Variants in FBLIM1 observed in about 807,000 individuals in gnomAD.
The protein encoded by FBLIM1 is filamin-binding LIM protein 1.
A neutral mutation model predicts 37.4 loss-of-function variants in FBLIM1; 29 were observed. The observed-to-expected ratio is 0.77, with a 90% CI of 0.58 to 1.06. FBLIM1 has a LOEUF of 1.06. Among genes scored for constraint, FBLIM1 ranks in the 50% least tolerant of loss-of-function variants. The probability of loss-of-function intolerance (pLI) is 0.00; values close to 1 mark genes in which losing one functional copy is unlikely to be tolerated. For synonymous variants in FBLIM1, 193 were observed against 199.0 expected, an observed-to-expected ratio of 0.97 and a Z score of 0.25; for missense variants, 449 against 505.6, an observed-to-expected ratio of 0.89 and a Z score of 1.07.
intron 1 of FBLIM1, among the ~76,000 whole-genome samples, chr1:15,759,216 G>T (rs1334095613): frequency 1.3e-5 from 2 of 152,190 alleles, no homozygotes; most frequent in Non-Finnish European, 2.9e-5. Flanking sequence ...GCGCCCAGCG[G>T]TGACCCCGGC....
In FBLIM1 at chr1:15,784,507, C is replaced by A. The variant is rs774692856; in HGVS notation, c.1009-41C>A. ...AGTCCCTCCCCTGTGCAGGCAGCGC[C>A]CAGGCCCAGGGCGGGTCAGCATGTG... On this transcript the variant is annotated intron_variant, in intron 8 of 8. Transcript: ENST00000375766. 9.7e-6 allele frequency: 15 copies of A among 1,544,922 alleles called. No individual in the cohort carries two copies. In the East Asian group the frequency reaches 3.2e-4, roughly 33 times the overall value.
At position 15,766,518 on chromosome 1, in the gene FBLIM1, A is replaced by G. The variant is rs537899339; in HGVS notation, c.251-858A>G. Among the ~76,000 whole-genome samples, 3 of 152,182 alleles carry G rather than the reference A, an allele frequency of 2.0e-5. No individual in the cohort carries two copies. The East Asian group carries it at 5.8e-4, about 29-fold the overall frequency. ...CACCAGGGTTGCCAGGCTGGTCTCA[A>G]ATTCCTGACCTCAGGTGATCTGCCC... On this transcript the variant is annotated intron_variant, in intron 3 of 8. Coordinates refer to ENST00000375766, the MANE Select transcript of FBLIM1 (RefSeq NM_017556.4).
chr1:15,768,959 T>G (rs1387366578), intron 5 of FBLIM1, among the ~76,000 whole-genome samples: 1 of 152,164 alleles, frequency 6.6e-6, no homozygotes, highest in African/African-American at 2.4e-5. Flanking sequence ...GTGAGAAGCC[T>G]GCAACCTGCC....
At chr1:15,775,135 G>C in intron 7 of FBLIM1, 1 of 409,986 alleles carries the variant, frequency 2.4e-6, no homozygotes, top group South Asian at 3.5e-5. Flanking sequence ...CAGGAGAATG[G>C]CGTGAACCTG....
rs201442626 is a variant in FBLIM1 at position 15,765,153 on chromosome 1, C to T, written c.170C>T (p.Ala57Val). ...APMKTPEAGLAGRPSPWTTPG... is the reference protein window; with the variant it reads ...APMKTPEAGLVGRPSPWTTPG... The stretch of plus-strand genomic sequence containing the variant: ...ATGAAGACACCCGAGGCTGGCTTGG[C>T]GGGGAGGCCCAGCCCCTGGACAACC... The change falls in exon 3 of 9, where the codon GCG (alanine) becomes GTG (valine). Residue 57 changes from alanine (A) to valine (V), a missense_variant. Ala to Val is a moderately conservative substitution (Grantham distance 64). Coordinates refer to ENST00000375766, the MANE Select transcript of FBLIM1 (RefSeq NM_017556.4). This position sits in a 1 kb window ranked among gnomAD's most constrained non-coding sequence, Gnocchi z 5.9. 4.1e-5 allele frequency: 66 copies of T among 1,613,578 alleles called. No individual in the cohort carries two copies. In the Admixed American group the frequency reaches 9.8e-4, roughly 24 times the overall value.
chr1:15,763,463 A>T (rs1278126164), intron 1 of FBLIM1, among the ~76,000 whole-genome samples: 6 of 150,842 alleles, frequency 4.0e-5, no homozygotes, highest in South Asian at 2.1e-4. Context: ...AAACCCCATC[A>T]CTACTAAAAA....
At position 15,767,547 on chromosome 1, in the gene FBLIM1, C is replaced by G; in HGVS notation, c.422C>G (p.Pro141Arg). Residue 141 changes from proline (P) to arginine (R), a missense_variant, in exon 4 of 9, where the codon CCC becomes CGC. Pro to Arg is a moderately radical substitution (Grantham distance 103). Coordinates refer to ENST00000375766, the MANE Select transcript of FBLIM1 (RefSeq NM_017556.4). The stretch of plus-strand genomic sequence containing the variant: ...TTAGAGCAGCTGCACCTGTCCCCGC[C>G]CCCGCCCCCACCACAGGTACTGCCT... Reference protein sequence around the residue: ...ADLEQLHLSPPPPPPQAPAEG... With the variant: ...ADLEQLHLSPRPPPPQAPAEG... 3 of 1,360,944 alleles carry G rather than the reference C, an allele frequency of 2.2e-6. No individual in the cohort carries two copies. The highest frequency in any genetic ancestry group is 2.0e-6 in the Non-Finnish European group (2 of 1,020,616). 84.3% of individuals were successfully genotyped at this position (1,360,944 alleles called of 1,614,324 possible). A position where few individuals can be genotyped will look rare whatever the true frequency, so the allele number is the denominator to read the frequency against.
intron 3 of FBLIM1, among the ~76,000 whole-genome samples, chr1:15,766,360 G>A (rs1013249750): frequency 3.9e-5 from 6 of 152,106 alleles, no homozygotes; most frequent in Admixed American, 6.6e-5. Context: ...GCAGTGGTGC[G>A]ATCTCGGCTC....
chr1:15,777,884 C>T (rs1325288145), intron 8 of FBLIM1, among the ~76,000 whole-genome samples: 1 of 152,076 alleles, frequency 6.6e-6, no homozygotes, highest in African/African-American at 2.4e-5. Flanking sequence ...CTTTCCATCT[C>T]TTGGCTCTCC....
chr1:15,757,393 C>CATGGCTCTTGTGGGATTAGG (rs1309334322), upstream of FBLIM1, among the ~76,000 whole-genome samples: 2 of 152,206 alleles, frequency 1.3e-5, no homozygotes, highest in African/African-American at 4.8e-5. This position sits in a 1 kb window ranked among gnomAD's most constrained non-coding sequence, Gnocchi z 4.1. Flanking sequence ...CCCTGGTGCT[C>CATGGCTCTTGTGGGATTAGG]ATGGCTCTTG....
chr1:15,777,479 G>A (rs987310180), intron 8 of FBLIM1, among the ~76,000 whole-genome samples, 192 bp downstream of exon 8: 6 of 151,984 alleles, frequency 3.9e-5, no homozygotes, highest in South Asian at 2.1e-4. Context: ...ATAAGAAACC[G>A]GACTCAAGTT....
At chr1:15,769,974 C>A (rs1022954956) in intron 5 of FBLIM1, among the ~76,000 whole-genome samples, 2 of 151,460 alleles carry the variant, frequency 1.3e-5, no homozygotes, top group Admixed American at 6.6e-5. Flanking sequence ...TGAAACAGAG[C>A]CTCACTCTGT....
At chr1:15,760,210 ACT>A (rs2068602870) in intron 1 of FBLIM1, among the ~76,000 whole-genome samples, 1 of 150,250 alleles carries the variant, frequency 6.7e-6, no homozygotes, top group African/African-American at 2.5e-5. Flanking sequence ...ACAGAATGAG[ACT>A]CTGTCTCAAA....
At position 15,758,998 on chromosome 1, in the gene FBLIM1, G is replaced by C. The variant is rs2068533649; in HGVS notation, c.-211+150G>C. The C allele has an allele frequency of 6.6e-6, 1 of 152,194 alleles. No individual in the cohort carries two copies. The highest frequency in any genetic ancestry group is 1.5e-5 in the Non-Finnish European group (1 of 68,060). 9.4% of individuals were successfully genotyped at this position (152,194 alleles called of 1,614,324 possible). On this transcript the variant is annotated intron_variant, in intron 1 of 8. Coordinates refer to ENST00000375766, the MANE Select transcript of FBLIM1 (RefSeq NM_017556.4). The surrounding 1 kb of genome is among the most constrained non-coding windows in gnomAD (Gnocchi z 6.2). ...CCCCTGGAGGGGCCTGCGGGTGGGG[G>C]GTGCGGTCCTCACGCCCTTTGCGTC...
At chr1:15,772,549 C>T (rs1458626656) in intron 6 of FBLIM1, among the ~76,000 whole-genome samples, 1 of 152,158 alleles carries the variant, frequency 6.6e-6, no homozygotes, top group Non-Finnish European at 1.5e-5. Flanking sequence ...GGAGAGACAG[C>T]ATGTCCAGGA....
chr1:15,759,004 G>T, intron 1 of FBLIM1, among the ~76,000 whole-genome samples, 156 bp downstream of exon 1: 1 of 152,070 alleles, frequency 6.6e-6, no homozygotes, highest in Non-Finnish European at 1.5e-5. Flanking sequence ...GGGGGGTGCG[G>T]TCCTCACGCC....
chr1:15,781,803 G>T (rs527766078), intron 8 of FBLIM1, among the ~76,000 whole-genome samples: 45 of 144,112 alleles, frequency 3.1e-4, no homozygotes, highest in African/African-American at 1.0e-3. Flanking sequence ...ACTGCAAGCT[G>T]CACCTCCCGG....
rs987536266 is a variant in FBLIM1, at chr1:15,767,253, C to T, written c.251-123C>T. 15 of 800,874 alleles carry T rather than the reference C, an allele frequency of 1.9e-5. No homozygotes were observed. In the South Asian group the frequency reaches 3.2e-4, roughly 17 times the overall value. 49.6% of individuals were successfully genotyped at this position (800,874 alleles called of 1,614,324 possible). ...ATCAGTGGCAGAGTTAGACATGGAA[C>T]CCAGGCCGGGGTGATCCCGACCGGG... On this transcript the variant is annotated intron_variant, in intron 3 of 8. Transcript: ENST00000375766.
chr1:15,777,149 C>T, intron 7 of FBLIM1, 21 bp from the exon 8 acceptor site: 1 of 1,578,682 alleles, frequency 6.3e-7, no homozygotes, highest in South Asian at 1.1e-5. Flanking sequence ...GCCTCCCAAG[C>T]ATGGGTTCCT....
Sources: gnomAD v4.1 joint callset for allele counts (sites outside exome capture counted in the v4.1 genomes callset) on GRCh38, gnomAD v4.1.1 for gene constraint, Gnocchi (gnomAD v3.1) non-coding constraint, MANE v1.5 for transcripts, NCBI Gene and HGNC (gene_info 2026-07-23, HGNC 2026-07-21) for gene names.